The following AKT1S1 variants were observed in gnomAD, a reference collection of about 807,000 sequenced individuals.
AKT1S1 encodes proline-rich AKT1 substrate 1.
Under a neutral mutation model 21.2 loss-of-function variants are expected in AKT1S1, and 17 were observed. The ratio of observed to expected loss-of-function variants is 0.80; its 90% CI spans 0.55 to 1.20. The LOEUF is 1.20. Among genes scored for constraint, AKT1S1 ranks in the 50% most tolerant of loss-of-function variants. The probability of loss-of-function intolerance (pLI) is 0.00; values close to 1 mark genes in which losing one functional copy is unlikely to be tolerated. For synonymous variants in AKT1S1, 181 were observed against 165.6 expected (o/e 1.09, Z -0.72); for missense variants, 366 against 368.3 (o/e 0.99, Z 0.05).
At chr19:49,878,160 C>A (rs774159609), upstream of AKT1S1, 3 of 1,578,058 alleles carry the variant, frequency 1.9e-6, no homozygotes, top group Non-Finnish European at 8.6e-7. Context: ...TTGAGAAGGG[C>A]GGAGTGTACC....
At chr19:49,876,653 C>T (rs539469413) in intron 1 of AKT1S1, 3 of 1,500,754 alleles carry the variant, frequency 2.0e-6, no homozygotes, top group East Asian at 2.8e-5. Context: ...CCTCAAAAGA[C>T]ATGGCGGCGC....
Position 49,876,714 on chromosome 19 carries a change from T to C in AKT1S1, c.-8+523A>G, listed in dbSNP as rs1032250704. 5.0e-6 allele frequency: 7 copies of C among 1,409,384 alleles called. No individual in the cohort carries two copies. In the Admixed American group the frequency reaches 2.2e-4, roughly 44 times the overall value. The allele number at this position is 1,409,384 out of a possible 1,614,324, so 87.3% of individuals were successfully genotyped here. A position where few individuals can be genotyped will look rare whatever the true frequency, so the allele number is the denominator to read the frequency against. On this transcript the variant is annotated intron_variant, in intron 1 of 4. Coordinates refer to ENST00000344175, the MANE Select transcript of AKT1S1 (RefSeq NM_001098633.4). ...CCGCCTCCTCTCCGCACACTCCGCC[T>C]CCCTTATCGGGGCCGCCCGAGATCA... is the stretch of plus-strand genomic sequence containing the variant.
intron 2 of AKT1S1, 131 bp downstream of exon 2, chr19:49,872,786 G>C (rs989091896): frequency 8.8e-7 from 1 of 1,135,360 alleles, no homozygotes; most frequent in African/African-American, 1.6e-5. Flanking sequence ...AGGCAAGCCT[G>C]TCTGGCTCTG....
At chr19:49,878,223 C>T, upstream of AKT1S1, 3 of 1,559,584 alleles carry the variant, frequency 1.9e-6, no homozygotes, top group Middle Eastern at 1.7e-4. Flanking sequence ...TCGCTGGTGT[C>T]ATCCGTGTCG....
intron 4 of AKT1S1, among the ~76,000 whole-genome samples, chr19:49,871,140 AACAGGGGTTGCTACAAGGGGTGAACAG>A (rs2074878888): frequency 6.6e-6 from 1 of 152,150 alleles, no homozygotes; most frequent in Non-Finnish European, 1.5e-5. Context: ...AGGAGCTTCA[AACAGGGGTTGCTACAAGGGGTGAACAG>A]GGGACCAGGG....
In AKT1S1 at chr19:49,873,984, C is replaced by T. The variant is rs1477670614; in HGVS notation, c.-7-682G>A. The T allele has an allele frequency of 2.0e-5, 3 of 152,276 alleles. No individual in the cohort carries two copies. The highest frequency in any genetic ancestry group is 1.9e-4 in the East Asian group (1 of 5,200). 9.4% of individuals were successfully genotyped at this position (152,276 alleles called of 1,614,324 possible). A position where few individuals can be genotyped will look rare whatever the true frequency, so the allele number is the denominator to read the frequency against. On this transcript the variant is annotated intron_variant, in intron 1 of 4. Coordinates refer to ENST00000344175, the MANE Select transcript of AKT1S1 (RefSeq NM_001098633.4). The surrounding 1 kb of genome is among the most constrained non-coding windows in gnomAD (Gnocchi z 6.9). ...AGGCCCAGGGGGTTCCTTCAGCACC[C>T]GGAGCTGATGCTACTCCTCGCCATA...
At chr19:49,877,757 G>T (rs776880920), upstream of AKT1S1, 2 of 1,590,264 alleles carry the variant, frequency 1.3e-6, no homozygotes, top group Non-Finnish European at 1.7e-6. Flanking sequence ...AAGCACTGAG[G>T]ACGCATTCCC....
rs1056790460 is a variant in AKT1S1 at position 49,873,705 on chromosome 19, G to T, written c.-7-403C>A. 1.7e-5 allele frequency: 3 copies of T among 172,254 alleles called. No homozygotes were observed. The highest frequency in any genetic ancestry group is 4.8e-5 in the African/African-American group (2 of 41,640). The allele number at this position is 172,254 out of a possible 1,614,324, so 10.7% of individuals were successfully genotyped here. A position where few individuals can be genotyped will look rare whatever the true frequency, so the allele number is the denominator to read the frequency against. On this transcript the variant is annotated intron_variant, in intron 1 of 4. Transcript: ENST00000344175. The surrounding 1 kb of genome is among the most constrained non-coding windows in gnomAD (Gnocchi z 6.9). ...TCTGAAGACTGAGTACAATAAAGCC[G>T]AACGAGCCGGGCGTGGTGGCTCAGG...
intron 2 of AKT1S1, 61 bp from the exon 3 acceptor site, chr19:49,871,950 C>G: frequency 4.5e-6 from 7 of 1,554,968 alleles, no homozygotes; most frequent in Non-Finnish European, 6.2e-6. Flanking sequence ...TCCATGTGTC[C>G]TCCTCCTCAG....
At chr19:49,870,180 C>T in intron 4 of AKT1S1, 120 bp from the exon 5 acceptor site, 5 of 1,191,284 alleles carry the variant, frequency 4.2e-6, no homozygotes, top group East Asian at 3.2e-5. Context: ...GCCCTGCCAC[C>T]TGTGCCCTGC....
In AKT1S1 at chr19:49,869,862, G is replaced by C; in HGVS notation, c.*55C>G. 2 of 1,398,092 alleles carry C rather than the reference G, an allele frequency of 1.4e-6. No homozygotes were observed. The highest frequency in any genetic ancestry group is 5.6e-5 in the Admixed American group (2 of 35,902). 86.6% of individuals were successfully genotyped at this position (1,398,092 alleles called of 1,614,324 possible). On this transcript the variant is annotated 3_prime_UTR_variant, in exon 5 of 5. Coordinates refer to ENST00000344175, the MANE Select transcript of AKT1S1 (RefSeq NM_001098633.4). ...GATTAGCAGGCCCCGGGAGTGGGGC[G>C]GGGGCGTAGTGTGGGACGGGGCGGA...
chr19:49,872,841 G>C (rs115825467), intron 2 of AKT1S1, 76 bp downstream of exon 2: 2 of 1,489,926 alleles, frequency 1.3e-6, no homozygotes, highest in Admixed American at 4.0e-5. Context: ...GGGCTAAGCA[G>C]GCCCCCACCC....
intron 1 of AKT1S1, chr19:49,876,574 C>T: frequency 6.7e-7 from 1 of 1,495,916 alleles, no homozygotes; most frequent in Non-Finnish European, 8.9e-7. Context: ...CCTCCCCACA[C>T]CGCGGTTAAC....
At chr19:49,870,930 A>G (rs1326155471) in intron 4 of AKT1S1, among the ~76,000 whole-genome samples, 1 of 152,176 alleles carries the variant, frequency 6.6e-6, no homozygotes. Flanking sequence ...AAGGACACTG[A>G]GGCTTGAGGG....
At chr19:49,878,265 C>G, upstream of AKT1S1, 1 of 1,547,622 alleles carries the variant, frequency 6.5e-7, no homozygotes. Flanking sequence ...GAGCAGGGCT[C>G]GGACCCGCTC....
chr19:49,875,314 G>C (rs1429814956), intron 1 of AKT1S1: 1 of 149,934 alleles, frequency 6.7e-6, no homozygotes, highest in Admixed American at 6.6e-5. Flanking sequence ...GAGAGCTTAG[G>C]ACACTGGCAA....
chr19:49,869,589 C>T lies in AKT1S1; in HGVS notation c.*328G>A. On this transcript the variant is annotated 3_prime_UTR_variant, in exon 5 of 5. Transcript: ENST00000344175. ...GGGGATGGAGCCAATGCCGTGCGAGCAAATCCCTTGTCGCTAGGCGGAAAA... is the reference window on the plus strand; with the variant it reads ...GGGGATGGAGCCAATGCCGTGCGAGTAAATCCCTTGTCGCTAGGCGGAAAA... The T allele has an allele frequency of 4.1e-6, 1 of 241,688 alleles. No individual in the cohort carries two copies. The highest frequency in any genetic ancestry group is 8.0e-6 in the Non-Finnish European group (1 of 125,362). The allele number at this position is 241,688 out of a possible 1,614,324, so 15.0% of individuals were successfully genotyped here. A position where few individuals can be genotyped will look rare whatever the true frequency, so the allele number is the denominator to read the frequency against.
At chr19:49,877,699 G>A, upstream of AKT1S1, 11 of 1,599,682 alleles carry the variant, frequency 6.9e-6, no homozygotes, top group Non-Finnish European at 9.4e-6. Context: ...GAGGAGGCGG[G>A]GCAGTGGGGC....
intron 1 of AKT1S1, chr19:49,874,369 GC>G (rs1203014069): frequency 2.0e-5 from 3 of 152,302 alleles, no homozygotes; most frequent in Non-Finnish European, 4.4e-5. Context: ...AATCCACACG[GC>G]TTTTCCTACA....
Sources: gnomAD v4.1 joint callset for allele counts (sites outside exome capture counted in the v4.1 genomes callset) on GRCh38, gnomAD v4.1.1 for gene constraint, Gnocchi (gnomAD v3.1) non-coding constraint, MANE v1.5 for transcripts, NCBI Gene and HGNC (gene_info 2026-07-23, HGNC 2026-07-21) for gene names.